Variants in ABCB4 observed in about 807,000 individuals in gnomAD.
ABCB4 encodes ATP binding cassette subfamily B member 4, also known as phosphatidylcholine translocator ABCB4.
Under a neutral mutation model 145.7 loss-of-function variants are expected in ABCB4, and 76 were observed. The ratio of observed to expected loss-of-function variants is 0.52; its 90% CI spans 0.43 to 0.63. The LOEUF (loss-of-function observed/expected upper bound fraction) is 0.63. Among genes scored for constraint, ABCB4 ranks in the 30% least tolerant of loss-of-function variants. The probability of loss-of-function intolerance (pLI) is 0.00; values close to 1 mark genes in which losing one functional copy is unlikely to be tolerated. For synonymous variants in ABCB4, 517 were observed against 566.8 expected, an observed-to-expected ratio of 0.91 and a Z score of 1.25; for missense variants, 1,234 against 1,553.1, an observed-to-expected ratio of 0.79 and a Z score of 3.45.
chr7:87,430,009 C>T (rs1436808045), intron 15 of ABCB4, among the ~76,000 whole-genome samples: 1 of 151,532 alleles, frequency 6.6e-6, no homozygotes, highest in Non-Finnish European at 1.5e-5. Context: ...TTTTAGTACA[C>T]AAGTATTCAG....
chr7:87,431,264 A>T, intron 15 of ABCB4, 140 bp downstream of exon 15: 1 of 1,097,854 alleles, frequency 9.1e-7, no homozygotes, highest in Non-Finnish European at 1.3e-6. Flanking sequence ...ATTCTGATTT[A>T]AAGTCTCAGA....
intron 17 of ABCB4, 122 bp from the exon 18 acceptor site, chr7:87,422,347 G>A: frequency 1.3e-6 from 1 of 778,112 alleles, no homozygotes; most frequent in Non-Finnish European, 2.2e-6. Context: ...TAGGGTTTTG[G>A]TAATTGTGGT....
At chr7:87,446,492 T>A (rs1188145320) in intron 9 of ABCB4, among the ~76,000 whole-genome samples, 1 of 152,226 alleles carries the variant, frequency 6.6e-6, no homozygotes, top group Non-Finnish European at 1.5e-5. Context: ...AGATTGTAAG[T>A]AATTTTAATT....
At chr7:87,457,870 C>T (rs1027776117) in intron 4 of ABCB4, among the ~76,000 whole-genome samples, 1 of 152,064 alleles carries the variant, frequency 6.6e-6, no homozygotes, top group African/African-American at 2.4e-5. Flanking sequence ...TCTGCCTTCC[C>T]GGATTCTGCC....
the ABCB4 span, chr7:87,391,809 T>C: frequency 8.1e-7 from 1 of 1,239,954 alleles, no homozygotes; most frequent in Admixed American, 2.7e-5. Flanking sequence ...TCAGTTTTCC[T>C]GGATCATTAA....
intron 8 of ABCB4, among the ~76,000 whole-genome samples, chr7:87,447,788 T>A: frequency 6.6e-6 from 1 of 152,228 alleles, no homozygotes; most frequent in Non-Finnish European, 1.5e-5. Context: ...TATAAGGTAG[T>A]CACTACTTAT....
intron 2 of ABCB4, 94 bp downstream of exon 2, chr7:87,475,292 G>A (rs1813721822): frequency 1.4e-6 from 2 of 1,460,804 alleles, no homozygotes; most frequent in South Asian, 2.3e-5. Context: ...GGTCTTCAAA[G>A]GCATCAACCG....
chr7:87,407,786 T>C (rs908529609), intron 25 of ABCB4, among the ~76,000 whole-genome samples: 1 of 152,200 alleles, frequency 6.6e-6, no homozygotes, highest in East Asian at 1.9e-4. Flanking sequence ...TCAGACTGAC[T>C]GGAAAGGCCC....
In ABCB4 at chr7:87,454,519, C is replaced by T; in HGVS notation, c.344+16G>A. ...CAAATGAAACTTTAAAAAAGTAGAC[C>T]ATATATATGAGTTACCTAGTCATTT... On this transcript the variant is annotated intron_variant, in intron 5 of 27. Transcript: ENST00000649586. The T allele has an allele frequency of 1.3e-6, 2 of 1,582,400 alleles. No individual in the cohort carries two copies. The highest frequency in any genetic ancestry group is 1.7e-6 in the Non-Finnish European group (2 of 1,155,326).
the ABCB4 span, among the ~76,000 whole-genome samples, chr7:87,389,083 A>G: frequency 6.6e-6 from 1 of 152,244 alleles, no homozygotes; most frequent in South Asian, 2.1e-4. Context: ...ATACCATCTT[A>G]TGCCAGTTAG....
intron 6 of ABCB4, 106 bp downstream of exon 6, chr7:87,452,838 T>C: frequency 4.0e-6 from 5 of 1,259,096 alleles, no homozygotes; most frequent in Non-Finnish European, 5.7e-6. Context: ...CTAATATAGA[T>C]CAGATGCTCA....
intron 20 of ABCB4, 86 bp from the exon 21 acceptor site, chr7:87,417,601 G>T: frequency 9.0e-7 from 1 of 1,108,016 alleles, no homozygotes; most frequent in East Asian, 2.5e-5. Context: ...AGAATGATGA[G>T]TGGGTTCTAT....
At chr7:87,374,473 C>A in the ABCB4 span, among the ~76,000 whole-genome samples, 1 of 151,896 alleles carries the variant, frequency 6.6e-6, no homozygotes, top group Non-Finnish European at 1.5e-5. Context: ...GCAACAAGTA[C>A]CATATGGAGA....
At position 87,402,170 on chromosome 7, in the gene ABCB4, G is replaced by T; in HGVS notation, c.3766C>A (p.His1256Asn). The change falls in exon 28 of 28, where the codon CAT becomes AAT. Residue 1256 changes from histidine to asparagine, a missense_variant. Transcript: ENST00000649586. ...CCTTTCTGTGCCAGCAGCTGCTGAT[G>T]CGTGCCATGCTCCTTGACTCTCCCA... ...QNGRVKEHGT[H>N]QQLLAQKGIY... 1 of 1,614,054 alleles carries T rather than the reference G, an allele frequency of 6.2e-7. No individual in the cohort carries two copies. Among genetic ancestry groups the T allele is most frequent in the Non-Finnish European group, 8.5e-7 (1 of 1,180,006 alleles).
At chr7:87,406,537 GA>G (rs762665261) in intron 25 of ABCB4, 43 bp from the exon 26 acceptor site, 24 of 1,592,098 alleles carry the variant, frequency 1.5e-5, no homozygotes, top group African/African-American at 8.2e-5. Flanking sequence ...GTATAAAAAA[GA>G]AAAAAAAACT....
chr7:87,429,912 T>A (rs1281009711), intron 15 of ABCB4, among the ~76,000 whole-genome samples: 9 of 143,464 alleles, frequency 6.3e-5, no homozygotes, highest in South Asian at 2.2e-4. Context: ...TCTTTTTTTT[T>A]TTAAAAAAAA....
chr7:87,419,917 A>C lies in ABCB4; in HGVS notation c.2394+81T>G, dbSNP rs1584700383. 3.5e-6 allele frequency: 5 copies of C among 1,441,680 alleles called. No homozygotes were observed. The East Asian group carries it at 1.1e-4, about 33-fold the overall frequency. 89.3% of individuals were successfully genotyped at this position (1,441,680 alleles called of 1,614,324 possible). ...CCCTGGGGGGAAAACATGCATATCG[A>C]CATAACAATAAGAACAGTAAGAAGC... is the stretch of plus-strand genomic sequence containing the variant. On this transcript the variant is annotated intron_variant, in intron 19 of 27. Coordinates refer to ENST00000649586, the MANE Select transcript of ABCB4 (RefSeq NM_000443.4).
At chr7:87,441,148 A>C (rs953102246) in intron 12 of ABCB4, among the ~76,000 whole-genome samples, 2 of 152,232 alleles carry the variant, frequency 1.3e-5, no homozygotes, top group Non-Finnish European at 2.9e-5. Context: ...ACTAAGTTGA[A>C]GATTATGATT....
At chr7:87,443,815 A>G (rs1305643046) in intron 10 of ABCB4, 42 bp from the exon 11 acceptor site, 6 of 1,484,714 alleles carry the variant, frequency 4.0e-6, no homozygotes, top group East Asian at 4.5e-5. Flanking sequence ...TCATAGCACA[A>G]ACAAGTTGCA....
Sources: gnomAD v4.1 joint callset for allele counts (sites outside exome capture counted in the v4.1 genomes callset) on GRCh38, gnomAD v4.1.1 for gene constraint, MANE v1.5 for transcripts, NCBI Gene and HGNC (gene_info 2026-07-23, HGNC 2026-07-21) for gene names.